Variants in SEPTIN7 observed in about 807,000 individuals in gnomAD.
The protein encoded by SEPTIN7 is septin-7.
SEPTIN7 carries 10 observed loss-of-function variants against 63.3 expected under a neutral mutation model. The observed-to-expected ratio is 0.16, with a 90% CI of 0.10 to 0.27. The LOEUF (loss-of-function observed/expected upper bound fraction) is 0.27. SEPTIN7 is among the 10% of genes least tolerant of loss of function. The pLI, the probability that SEPTIN7 is intolerant of heterozygous loss-of-function variation, is 1.00. For synonymous variants in SEPTIN7, 131 were observed against 165.3 expected (o/e 0.79, Z 1.59); for missense variants, 310 against 521.0 (o/e 0.59, Z 3.94).
intron 1 of SEPTIN7, among the ~76,000 whole-genome samples, chr7:35,825,604 T>C (rs1351076805): frequency 6.6e-6 from 1 of 152,180 alleles, no homozygotes; most frequent in Non-Finnish European, 1.5e-5. Flanking sequence ...TTATTTTAAT[T>C]GTCCTCTAGC....
chr7:35,832,750 A>G (rs1458646541), intron 2 of SEPTIN7, 48 bp from the exon 3 acceptor site: 2 of 975,504 alleles, frequency 2.1e-6, no homozygotes, highest in East Asian at 2.4e-5. Context: ...GTGTGATTGA[A>G]TAGTACTGTT....
intron 3 of SEPTIN7, among the ~76,000 whole-genome samples, chr7:35,833,408 C>T (rs1454424129): frequency 6.6e-6 from 1 of 151,934 alleles, no homozygotes; most frequent in Non-Finnish European, 1.5e-5. Flanking sequence ...CTAATTCAGT[C>T]TGAGTTTTCT....
chr7:35,815,584 G>A (rs1789007097), intron 1 of SEPTIN7, among the ~76,000 whole-genome samples: 1 of 152,034 alleles, frequency 6.6e-6, no homozygotes, highest in Non-Finnish European at 1.5e-5. Context: ...TCAGAACTAT[G>A]TAATATGCTT....
chr7:35,857,887 G>T (rs919148896), intron 3 of SEPTIN7, among the ~76,000 whole-genome samples: 7 of 152,092 alleles, frequency 4.6e-5, no homozygotes, highest in African/African-American at 9.7e-5. Context: ...CTCAAAAAAA[G>T]GGGGGTGGGG....
rs536161729 is a variant in SEPTIN7 at position 35,824,009 on chromosome 7, C to CT, written c.62-7470dup. 1.5e-3 allele frequency among the ~76,000 whole-genome samples: 213 copies of CT among 141,396 alleles called. 2 individuals carry two copies. The South Asian group carries it at 0.019, about 13-fold the overall frequency. The allele number at this position is 141,396 out of a possible 152,430, so 92.8% of individuals were successfully genotyped here. On this transcript the variant is annotated intron_variant, in intron 1 of 13. Transcript: ENST00000350320. ...CATTCACACAAATAGAACCATCTGCCTTTTTTTTTTTTTAAGTGCTTAAAA... is the reference window on the plus strand; with the variant it reads ...CATTCACACAAATAGAACCATCTGCCTTTTTTTTTTTTTTAAGTGCTTAAAA...
intron 1 of SEPTIN7, among the ~76,000 whole-genome samples, chr7:35,811,602 C>A (rs1468574051): frequency 6.6e-6 from 1 of 152,024 alleles, no homozygotes; most frequent in Non-Finnish European, 1.5e-5. Context: ...TATTAAGAGG[C>A]GGGCATGGTG....
At chr7:35,876,243 G>A (rs1272398275) in intron 6 of SEPTIN7, among the ~76,000 whole-genome samples, 1 of 151,954 alleles carries the variant, frequency 6.6e-6, no homozygotes, top group Admixed American at 6.5e-5. Flanking sequence ...AGCAAGTATT[G>A]TTTTGCATTT....
intron 6 of SEPTIN7, among the ~76,000 whole-genome samples, chr7:35,876,508 T>C (rs1021814981): frequency 2.0e-5 from 3 of 152,188 alleles, no homozygotes; most frequent in African/African-American, 7.2e-5. Flanking sequence ...TAATGATTAA[T>C]GAAAAGAAGC....
chr7:35,883,752 C>G (rs1300659957), intron 8 of SEPTIN7, 139 bp from the exon 9 acceptor site: 2 of 491,120 alleles, frequency 4.1e-6, no homozygotes, highest in Middle Eastern at 5.5e-4. Flanking sequence ...GTTAAATGGC[C>G]TATAAAAACT....
intron 11 of SEPTIN7, among the ~76,000 whole-genome samples, chr7:35,894,031 G>A (rs551900554): frequency 3.6e-4 from 55 of 152,102 alleles, no homozygotes; most frequent in African/African-American, 1.2e-3. Flanking sequence ...AGAAAATTCA[G>A]CAAGGGTTTG....
At chr7:35,813,437 A>G (rs1788860699) in intron 1 of SEPTIN7, among the ~76,000 whole-genome samples, 1 of 151,394 alleles carries the variant, frequency 6.6e-6, no homozygotes, top group Admixed American at 6.6e-5. Flanking sequence ...TCACTGTTGC[A>G]ACCTCCACCT....
At chr7:35,891,652 G>A (rs1454475672) in intron 11 of SEPTIN7, among the ~76,000 whole-genome samples, 2 of 152,194 alleles carry the variant, frequency 1.3e-5, no homozygotes, top group Non-Finnish European at 2.9e-5. Context: ...AGTGTGCAGT[G>A]AGTGAACGTG....
rs1784659644 is a variant in SEPTIN7, at chr7:35,846,238, T to A, written c.169+13338T>A. ...TTTTTAAAAGCTAATTTTCAATGGC[T>A]GAATAATATTTTTATAGGTGTATCA... On this transcript the variant is annotated intron_variant, in intron 3 of 13. Coordinates refer to ENST00000350320, the MANE Select transcript of SEPTIN7 (RefSeq NM_001788.6). Among the ~76,000 whole-genome samples the A allele has an allele frequency of 2.6e-5, 4 of 152,236 alleles. No homozygotes were observed. In the South Asian group the frequency reaches 8.3e-4, roughly 32 times the overall value.
At chr7:35,850,085 C>G (rs1784887787) in intron 3 of SEPTIN7, among the ~76,000 whole-genome samples, 1 of 152,180 alleles carries the variant, frequency 6.6e-6, no homozygotes, top group African/African-American at 2.4e-5. Context: ...GAAGCTTCTT[C>G]AAAGTATTCT....
intron 4 of SEPTIN7, among the ~76,000 whole-genome samples, chr7:35,868,649 A>G (rs1785963420): frequency 6.6e-6 from 1 of 152,138 alleles, no homozygotes; most frequent in African/African-American, 2.4e-5. Context: ...GTGAGTATAG[A>G]GGACTCAGAG....
chr7:35,904,427 T>C lies in SEPTIN7; in HGVS notation c.*134T>C, dbSNP rs1788500877. On this transcript the variant is annotated 3_prime_UTR_variant, in exon 14 of 14. Transcript: ENST00000350320. Reference sequence around the variant, plus strand: ...GGATTTAACAGCATGACAAAAATTATTTTTTTTTTTGTTCTTGATGGAGAT... The same window carrying C: ...GGATTTAACAGCATGACAAAAATTACTTTTTTTTTTGTTCTTGATGGAGAT... The C allele has an allele frequency of 2.0e-5, 6 of 305,030 alleles. No homozygotes were observed. The highest frequency in any genetic ancestry group is 1.1e-5 in the Non-Finnish European group (2 of 178,980). The allele number at this position is 305,030 out of a possible 1,614,324, so 18.9% of individuals were successfully genotyped here. A position where few individuals can be genotyped will look rare whatever the true frequency, so the allele number is the denominator to read the frequency against.
intron 3 of SEPTIN7, among the ~76,000 whole-genome samples, chr7:35,844,235 A>G (rs1784545058): frequency 6.6e-6 from 1 of 152,232 alleles, no homozygotes; most frequent in South Asian, 2.1e-4. Flanking sequence ...ATAGTAATGT[A>G]CATTTAAAGT....
intron 1 of SEPTIN7, among the ~76,000 whole-genome samples, chr7:35,812,244 A>T (rs1298158745): frequency 4.0e-5 from 6 of 151,850 alleles, no homozygotes; most frequent in Admixed American, 3.3e-4. Flanking sequence ...CACCAAAAAT[A>T]CTTGTTTGTG....
At chr7:35,880,382 A>G (rs1786803839) in intron 7 of SEPTIN7, among the ~76,000 whole-genome samples, 1 of 150,714 alleles carries the variant, frequency 6.6e-6, no homozygotes, top group Non-Finnish European at 1.5e-5. Flanking sequence ...CATCTGTTTC[A>G]CTGTGACTTT....
Sources: gnomAD v4.1 joint callset for allele counts (sites outside exome capture counted in the v4.1 genomes callset) on GRCh38, gnomAD v4.1.1 for gene constraint, MANE v1.5 for transcripts, NCBI Gene and HGNC (gene_info 2026-07-23, HGNC 2026-07-21) for gene names.